The following CFAP54 variants were observed in gnomAD, a reference collection of about 807,000 sequenced individuals.
The protein encoded by CFAP54 is cilia- and flagella-associated protein 54.
In CFAP54, 290 loss-of-function variants were observed where a neutral mutation model predicts 370.4. The observed-to-expected ratio is 0.78, with a 90% confidence interval of 0.71 to 0.86. CFAP54 has a LOEUF of 0.86. Among genes scored for constraint, CFAP54 ranks in the 40% least tolerant of loss-of-function variants. CFAP54 has a pLI of 0.00. For missense variants in CFAP54, 3,399 were observed against 3,528.7 expected (o/e 0.96, Z 0.93); for synonymous variants, 1,206 against 1,236.5 (o/e 0.98, Z 0.52).
chr12:96,554,573 G>A (rs1200394247), intron 16 of CFAP54, 103 bp from the exon 17 acceptor site: 1 of 1,234,250 alleles, frequency 8.1e-7, no homozygotes, highest in African/African-American at 1.5e-5. Context: ...GAATGTAATG[G>A]TTACAAATAA....
chr12:96,716,422 T>C (rs939676910), intron 48 of CFAP54, among the ~76,000 whole-genome samples: 5 of 152,236 alleles, frequency 3.3e-5, no homozygotes, highest in Non-Finnish European at 4.4e-5. Context: ...CATTTTTTGG[T>C]ACTCTGCTTG....
intron 3 of CFAP54, among the ~76,000 whole-genome samples, chr12:96,505,583 G>A (rs11609046): frequency 0.099 from 14,735 of 149,048 alleles, 1,184 homozygotes; most frequent in East Asian, 0.45. Context: ...GCTCACTGCA[G>A]CCTCCGCCTC....
At chr12:96,752,085 T>TGAGAGAGAGA (rs55648812) in intron 55 of CFAP54, among the ~76,000 whole-genome samples, 4,060 of 90,510 alleles carry the variant, frequency 0.045, 480 homozygotes, top group Middle Eastern at 0.067. Flanking sequence ...TCTTCCTGGA[T>TGAGAGAGAGA]GAGAGAGAGA....
Position 96,778,756 on chromosome 12 carries a change from CA to C in CFAP54, c.8282-5957del, listed in dbSNP as rs1355950883. Among the ~76,000 whole-genome samples the C allele has an allele frequency of 1.4e-4, 22 of 152,198 alleles. No homozygotes were observed. In the East Asian group the frequency reaches 4.2e-3, roughly 29 times the overall value. ...AATGTCTTCAAATTGGAAGTCACCA[CA>C]AAATTGTTTTTTAAAAAATAAGCAT... is the stretch of plus-strand genomic sequence containing the variant. On this transcript the variant is annotated intron_variant, in intron 60 of 67. Coordinates refer to ENST00000524981, the MANE Select transcript of CFAP54 (RefSeq NM_001306084.2).
intron 39 of CFAP54, among the ~76,000 whole-genome samples, chr12:96,678,959 CCT>C (rs1212699266): frequency 6.6e-6 from 1 of 152,176 alleles, no homozygotes; most frequent in Non-Finnish European, 1.5e-5. Context: ...AACTGTGATT[CCT>C]CTCTCTTGGT....
intron 9 of CFAP54, among the ~76,000 whole-genome samples, chr12:96,533,563 CT>C (rs1039247704): frequency 6.6e-6 from 1 of 152,098 alleles, no homozygotes; most frequent in Admixed American, 6.6e-5. Context: ...CCTGAGTATC[CT>C]TCCCTAACTG....
intron 60 of CFAP54, among the ~76,000 whole-genome samples, chr12:96,768,526 G>A (rs754057676): frequency 4.0e-5 from 6 of 151,652 alleles, no homozygotes; most frequent in Non-Finnish European, 7.4e-5. Flanking sequence ...GGTGGTGGGC[G>A]CCTATAATCC....
intron 12 of CFAP54, among the ~76,000 whole-genome samples, chr12:96,536,626 CTTTTTT>C (rs10638883): frequency 9.4e-5 from 13 of 138,160 alleles, no homozygotes; most frequent in South Asian, 2.2e-4. Context: ...TTTTCTTTTT[CTTTTTT>C]TTTTTTTTTT....
chr12:96,645,233 G>A, intron 33 of CFAP54: 2 of 452,924 alleles, frequency 4.4e-6, no homozygotes, highest in South Asian at 1.6e-5. Flanking sequence ...TACATAATAT[G>A]GAATACTGTG....
chr12:96,714,793 GA>G (rs35511620), intron 48 of CFAP54, among the ~76,000 whole-genome samples: 1 of 151,996 alleles, frequency 6.6e-6, no homozygotes. Flanking sequence ...AAAAAAAACT[GA>G]AAAAGTAGCA....
intron 50 of CFAP54, among the ~76,000 whole-genome samples, chr12:96,733,647 A>T (rs1458412103): frequency 6.6e-6 from 1 of 151,710 alleles, no homozygotes; most frequent in Non-Finnish European, 1.5e-5. Flanking sequence ...TGTCAGACTG[A>T]AACTTTCTTC....
intron 26 of CFAP54, among the ~76,000 whole-genome samples, chr12:96,619,391 C>T (rs978452167): frequency 6.6e-6 from 1 of 152,096 alleles, no homozygotes; most frequent in Non-Finnish European, 1.5e-5. Flanking sequence ...CCTGATTAGT[C>T]AAATGGCTCT....
At chr12:96,854,180 G>A (rs907279646) in intron 66 of CFAP54, among the ~76,000 whole-genome samples, 11 of 151,980 alleles carry the variant, frequency 7.2e-5, no homozygotes, top group African/African-American at 2.7e-4. Flanking sequence ...CTATAAAATA[G>A]GTGGACTATT....
intron 1 of CFAP54, among the ~76,000 whole-genome samples, chr12:96,494,854 G>T (rs1954930932): frequency 6.6e-6 from 1 of 151,874 alleles, no homozygotes; most frequent in South Asian, 2.1e-4. Flanking sequence ...AGCCTCCCAA[G>T]TAGCTGGGAC....
Position 96,629,536 on chromosome 12 carries a change from A to G in CFAP54, c.4104-557A>G, listed in dbSNP as rs1258599097. On this transcript the variant is annotated intron_variant, in intron 30 of 67. Transcript: ENST00000524981. The stretch of plus-strand genomic sequence containing the variant: ...CACCCTGTTAGCCAGGATGGTCTCT[A>G]TCTCCTGACCTCGTGATCCACCCGC... 2.2e-4 allele frequency among the ~76,000 whole-genome samples: 33 copies of G among 150,520 alleles called. No homozygotes were observed. The Middle Eastern group carries it at 0.01, about 47-fold the overall frequency.
chr12:96,613,823 A>G (rs1956386658), intron 26 of CFAP54, among the ~76,000 whole-genome samples: 1 of 152,234 alleles, frequency 6.6e-6, no homozygotes, highest in African/African-American at 2.4e-5. Context: ...AACCAGGAAG[A>G]AGATGAATCC....
At chr12:96,506,729 C>T (rs917821578) in intron 3 of CFAP54, among the ~76,000 whole-genome samples, 199 bp from the exon 4 acceptor site, 8 of 151,648 alleles carry the variant, frequency 5.3e-5, no homozygotes, top group South Asian at 2.1e-4. Flanking sequence ...TGGGATTACA[C>T]GCATGTGCCA....
In CFAP54 at chr12:96,645,100, C is replaced by T. The variant is rs574848132; in HGVS notation, c.4547+692C>T. On this transcript the variant is annotated intron_variant, in intron 33 of 67. Coordinates refer to ENST00000524981, the MANE Select transcript of CFAP54 (RefSeq NM_001306084.2). ...TAGGCAAATGTCTATTTCATAGAGG[C>T]GTACTTTAAGATCATATTTACTCAC... 3.8e-3 allele frequency: 1,723 copies of T among 455,028 alleles called. 7 individuals are homozygous for T. The highest frequency in any genetic ancestry group is 4.9e-3 in the Non-Finnish European group (1,118 of 226,140). 28.2% of individuals were successfully genotyped at this position (455,028 alleles called of 1,614,324 possible).
chr12:96,519,623 T>G (rs1274764405), intron 6 of CFAP54, among the ~76,000 whole-genome samples: 2 of 152,180 alleles, frequency 1.3e-5, no homozygotes, highest in Non-Finnish European at 2.9e-5. Context: ...CTGAGTAAGA[T>G]TTTTGGAATT....
Sources: gnomAD v4.1 joint callset for allele counts (sites outside exome capture counted in the v4.1 genomes callset) on GRCh38, gnomAD v4.1.1 for gene constraint, MANE v1.5 for transcripts, NCBI Gene and HGNC (gene_info 2026-07-23, HGNC 2026-07-21) for gene names.